The following CCSER1 variants were observed in gnomAD, a reference collection of about 807,000 sequenced individuals.
CCSER1 encodes serine-rich coiled-coil domain-containing protein 1.
Under a neutral mutation model 82.0 loss-of-function variants are expected in CCSER1, and 41 were observed. The observed-to-expected ratio is 0.50, with a 90% confidence interval of 0.39 to 0.65. CCSER1 has a LOEUF of 0.65. CCSER1 is among the 30% of genes least tolerant of loss of function. The pLI, the probability that CCSER1 is intolerant of heterozygous loss-of-function variation, is 0.00. For missense variants in CCSER1, 1,119 were observed against 1,064.2 expected (o/e 1.05, Z -0.72); for synonymous variants, 414 against 383.9 (o/e 1.08, Z -0.92).
At chr4:90,370,781 C>T (rs1057263794) in intron 3 of CCSER1, among the ~76,000 whole-genome samples, 1 of 151,916 alleles carries the variant, frequency 6.6e-6, no homozygotes, top group Admixed American at 6.6e-5. Context: ...ACCATGGTTC[C>T]AAAGGATTCT....
intron 1 of CCSER1, among the ~76,000 whole-genome samples, chr4:90,176,701 G>A (rs1732756533): frequency 6.6e-6 from 1 of 151,942 alleles, no homozygotes; most frequent in African/African-American, 2.4e-5. Context: ...TAGTGTGATA[G>A]GTCCAAAATT....
At chr4:90,612,905 T>C (rs773429375) in intron 5 of CCSER1, among the ~76,000 whole-genome samples, 3 of 152,152 alleles carry the variant, frequency 2.0e-5, no homozygotes, top group Non-Finnish European at 4.4e-5. Flanking sequence ...AGCATTGGTG[T>C]ATTTTGACAG....
chr4:90,830,885 A>G (rs1336192612), intron 8 of CCSER1, among the ~76,000 whole-genome samples: 2 of 152,160 alleles, frequency 1.3e-5, no homozygotes, highest in African/African-American at 4.8e-5. Context: ...GGAGTGAATC[A>G]TATCTAACAC....
intron 10 of CCSER1, among the ~76,000 whole-genome samples, chr4:91,202,812 C>CTCACATATATATGTGTGCATATATATG (rs1553911607): frequency 6.6e-5 from 10 of 150,964 alleles, no homozygotes; most frequent in South Asian, 4.1e-4. Context: ...GATATACACA[C>CTCACATATATATGTGTGCATATATATG]TGTCTTTTTA....
chr4:90,734,457 A>G (rs1745324226), intron 7 of CCSER1, among the ~76,000 whole-genome samples: 1 of 152,158 alleles, frequency 6.6e-6, no homozygotes, highest in Admixed American at 6.5e-5. Context: ...AATCTAGAAT[A>G]TCTTTTCATT....
At chr4:91,564,969 T>C (rs1333863098) in intron 10 of CCSER1, among the ~76,000 whole-genome samples, 1 of 151,850 alleles carries the variant, frequency 6.6e-6, no homozygotes, top group East Asian at 1.9e-4. Flanking sequence ...GCTGTGGTTG[T>C]CTTTCAGGGT....
chr4:90,930,170 T>C (rs7682944), intron 9 of CCSER1, among the ~76,000 whole-genome samples: 149,713 of 152,310 alleles, frequency 0.98, 73,603 homozygotes, highest in East Asian at 1. Flanking sequence ...AAAATTTCTC[T>C]CTGTCCACTT....
intron 1 of CCSER1, among the ~76,000 whole-genome samples, chr4:90,130,952 T>C (rs1167956433): frequency 6.6e-6 from 1 of 152,136 alleles, no homozygotes; most frequent in African/African-American, 2.4e-5. Context: ...TGTTAATATT[T>C]ACACATTTAA....
chr4:91,347,364 A>T (rs1919223), intron 10 of CCSER1, among the ~76,000 whole-genome samples: 2 of 151,796 alleles, frequency 1.3e-5, no homozygotes, highest in East Asian at 1.9e-4. Flanking sequence ...GATTACTGTA[A>T]ATTTATAGTG....
intron 9 of CCSER1, among the ~76,000 whole-genome samples, chr4:90,926,526 TAAA>T (rs1729083332): frequency 6.6e-6 from 1 of 152,060 alleles, no homozygotes; most frequent in African/African-American, 2.4e-5. Flanking sequence ...TAAAATCTAT[TAAA>T]AATTCACTGC....
chr4:91,039,601 G>C (rs1465738647), intron 9 of CCSER1, among the ~76,000 whole-genome samples: 1 of 151,732 alleles, frequency 6.6e-6, no homozygotes. Context: ...TTGCCATTTG[G>C]CTACTATATT....
At chr4:91,138,970 ATC>A (rs1385227565) in intron 10 of CCSER1, among the ~76,000 whole-genome samples, 1 of 152,156 alleles carries the variant, frequency 6.6e-6, no homozygotes, top group Admixed American at 6.6e-5. Flanking sequence ...GCTATGAATG[ATC>A]TGTCACCCAG....
At chr4:90,810,247 C>G (rs1758075387) in intron 7 of CCSER1, among the ~76,000 whole-genome samples, 1 of 152,142 alleles carries the variant, frequency 6.6e-6, no homozygotes. Context: ...CAAGCGAGAG[C>G]CACCATGGCC....
intron 10 of CCSER1, among the ~76,000 whole-genome samples, chr4:91,383,356 T>C (rs1751060788): frequency 6.6e-6 from 1 of 152,208 alleles, no homozygotes; most frequent in Middle Eastern, 3.4e-3. Flanking sequence ...TCTCACTTTT[T>C]TTTTTCAAAA....
At chr4:91,424,032 C>G (rs957669905) in intron 10 of CCSER1, among the ~76,000 whole-genome samples, 1 of 68,692 alleles carries the variant, frequency 1.5e-5, no homozygotes, top group African/African-American at 6.0e-5. Flanking sequence ...TTTTTTGAGA[C>G]GGAGTCTCGC....
chr4:91,279,280 A>G (rs72877065), intron 10 of CCSER1, among the ~76,000 whole-genome samples: 10,368 of 152,102 alleles, frequency 0.068, 391 homozygotes, highest in East Asian at 0.12. Flanking sequence ...GAATGTCTCA[A>G]TCTCTTGCTA....
At chr4:91,463,704 A>C (rs991376495) in intron 10 of CCSER1, among the ~76,000 whole-genome samples, 1 of 152,232 alleles carries the variant, frequency 6.6e-6, no homozygotes, top group Non-Finnish European at 1.5e-5. Context: ...CTACGTGATT[A>C]ATGCACAAGC....
At chr4:90,489,286 T>A (rs2153603384) in intron 5 of CCSER1, among the ~76,000 whole-genome samples, 1 of 152,296 alleles carries the variant, frequency 6.6e-6, no homozygotes, top group Admixed American at 6.5e-5. Context: ...GTATTAAAAA[T>A]GAATTCTAGT....
intron 5 of CCSER1, among the ~76,000 whole-genome samples, chr4:90,502,844 T>C (rs879641378): frequency 3.9e-5 from 6 of 152,146 alleles, no homozygotes; most frequent in Non-Finnish European, 7.4e-5. Context: ...CCAGAACAAA[T>C]AGCTGAAACT....
Sources: gnomAD v4.1 joint callset for allele counts (sites outside exome capture counted in the v4.1 genomes callset) on GRCh38, gnomAD v4.1.1 for gene constraint, MANE v1.5 for transcripts, NCBI Gene and HGNC (gene_info 2026-07-23, HGNC 2026-07-21) for gene names.